The following SAMMSON variants were observed in gnomAD, a reference collection of about 807,000 sequenced individuals.
The protein encoded by SAMMSON is survival associated mitochondrial melanoma specific oncogenic non-coding RNA.
At chr3:70,280,904 C>T (rs1702076273) in intron 6 of SAMMSON, among the ~76,000 whole-genome samples, 1 of 152,152 alleles carries the variant, frequency 6.6e-6, no homozygotes, top group Admixed American at 6.5e-5. Context: ...ATAGGACTTG[C>T]TGGGTTTCCC....
intron 4 of SAMMSON, among the ~76,000 whole-genome samples, chr3:70,230,803 C>G (rs1261823256): frequency 6.6e-6 from 1 of 152,152 alleles, no homozygotes; most frequent in Non-Finnish European, 1.5e-5. Context: ...GGTCCAAATA[C>G]GTCTTCAAAT....
chr3:70,346,702 A>G (rs1172754082), intron 7 of SAMMSON, among the ~76,000 whole-genome samples: 1 of 152,158 alleles, frequency 6.6e-6, no homozygotes, highest in Non-Finnish European at 1.5e-5. Context: ...TCTTTGATGG[A>G]CTAAGTAACA....
intron 1 of SAMMSON, among the ~76,000 whole-genome samples, chr3:70,005,259 C>T (rs910755718): frequency 1.3e-5 from 2 of 151,916 alleles, no homozygotes; most frequent in South Asian, 2.1e-4. Context: ...ACAGAGCACC[C>T]CAAAACTTAG....
intron 4 of SAMMSON, among the ~76,000 whole-genome samples, chr3:70,110,739 ATTG>A (rs1197196825): frequency 6.6e-6 from 1 of 152,114 alleles, no homozygotes; most frequent in Non-Finnish European, 1.5e-5. Flanking sequence ...TGGGTGACCC[ATTG>A]TTGTGGAGAT....
At chr3:70,123,940 G>A (rs73105982) in intron 4 of SAMMSON, among the ~76,000 whole-genome samples, 11,043 of 152,288 alleles carry the variant, frequency 0.073, 541 homozygotes, top group Non-Finnish European at 0.11. Context: ...ACAGGAAGTA[G>A]CATAGCAGGA....
chr3:70,375,113 T>G (rs1366241277), intron 9 of SAMMSON, among the ~76,000 whole-genome samples: 1 of 152,214 alleles, frequency 6.6e-6, no homozygotes, highest in East Asian at 1.9e-4. Flanking sequence ...AGTACATCTA[T>G]GCCATATTGC....
intron 8 of SAMMSON, among the ~76,000 whole-genome samples, chr3:70,356,793 T>G (rs1006277330): frequency 6.6e-6 from 1 of 152,142 alleles, no homozygotes; most frequent in Non-Finnish European, 1.5e-5. Context: ...TCTAATTTGC[T>G]GTGGGCTGGG....
intron 4 of SAMMSON, among the ~76,000 whole-genome samples, chr3:70,123,119 C>T (rs945855368): frequency 4.6e-5 from 7 of 152,176 alleles, no homozygotes. Context: ...GATGGGGCTA[C>T]CCACAGACTT....
At chr3:70,162,096 T>C (rs1274253402) in intron 4 of SAMMSON, among the ~76,000 whole-genome samples, 2 of 151,828 alleles carry the variant, frequency 1.3e-5, no homozygotes. Flanking sequence ...TTTGGTTTCA[T>C]TGATTTTATT....
chr3:70,207,978 AC>A (rs1261159740), intron 4 of SAMMSON, among the ~76,000 whole-genome samples: 1 of 152,010 alleles, frequency 6.6e-6, no homozygotes, highest in African/African-American at 2.4e-5. Flanking sequence ...ACAGGCGTGG[AC>A]CTTGACCTTC....
intron 7 of SAMMSON, among the ~76,000 whole-genome samples, chr3:70,343,629 C>T (rs1341158438): frequency 1.3e-5 from 2 of 151,990 alleles, no homozygotes; most frequent in African/African-American, 4.8e-5. Flanking sequence ...GCCTTGATCA[C>T]CTTGATAAAG....
At position 70,002,057 on chromosome 3, in the gene SAMMSON, C is replaced by A. The variant is rs535931684; in HGVS notation, n.22+2190C>A. Among the ~76,000 whole-genome samples the A allele has an allele frequency of 1.3e-3, 205 of 152,252 alleles. 1 individual carries two copies. The highest frequency in any genetic ancestry group is 3.4e-3 in the Middle Eastern group (1 of 294). ...AGACCTACTTTACTCTCGGTCATTGCCTGCATGAGTCTTCTTTATATGGAT... is the reference window on the plus strand; with the variant it reads ...AGACCTACTTTACTCTCGGTCATTGACTGCATGAGTCTTCTTTATATGGAT... On this transcript the variant is annotated intron_variant and non_coding_transcript_variant, in intron 1 of 9. Coordinates refer to ENST00000642114, the Ensembl canonical transcript of SAMMSON.
At chr3:70,328,391 A>C (rs945238128) in intron 7 of SAMMSON, among the ~76,000 whole-genome samples, 1 of 152,226 alleles carries the variant, frequency 6.6e-6, no homozygotes, top group African/African-American at 2.4e-5. Flanking sequence ...ATTGGTAGAC[A>C]GGAACCTAAA....
chr3:70,243,475 G>A (rs958130364), intron 4 of SAMMSON, among the ~76,000 whole-genome samples: 6 of 152,126 alleles, frequency 3.9e-5, no homozygotes, highest in Admixed American at 1.3e-4. Flanking sequence ...TCACTGCACT[G>A]CTGCTGAATG....
At chr3:70,138,745 G>A (rs1038463642) in intron 4 of SAMMSON, among the ~76,000 whole-genome samples, 11 of 152,096 alleles carry the variant, frequency 7.2e-5, no homozygotes, top group Non-Finnish European at 1.3e-4. Context: ...ATCTAAATTA[G>A]GTATGAGTGA....
intron 3 of SAMMSON, among the ~76,000 whole-genome samples, chr3:70,027,517 C>G (rs1374254325): frequency 6.6e-6 from 1 of 152,212 alleles, no homozygotes. Flanking sequence ...AACCTTCCCT[C>G]TTTGTCATCA....
At chr3:70,041,703 A>G (rs2067106947) in intron 3 of SAMMSON, among the ~76,000 whole-genome samples, 2 of 152,110 alleles carry the variant, frequency 1.3e-5, no homozygotes, top group Non-Finnish European at 2.9e-5. Context: ...AACAATTTCC[A>G]TAGCATTTAC....
intron 2 of SAMMSON, among the ~76,000 whole-genome samples, chr3:70,399,218 A>G (rs1235165061): frequency 6.6e-6 from 1 of 152,130 alleles, no homozygotes; most frequent in African/African-American, 2.4e-5. Flanking sequence ...TTTCCGTTTT[A>G]GAGGCAGACT....
chr3:70,139,741 T>A (rs1460564670), intron 4 of SAMMSON, among the ~76,000 whole-genome samples: 2 of 152,196 alleles, frequency 1.3e-5, no homozygotes, highest in African/African-American at 4.8e-5. Context: ...GGCCTGTGAT[T>A]TTAAGTATAG....
Sources: allele counts gnomAD v4.1 joint callset (sites outside exome capture counted in the v4.1 genomes callset), GRCh38; gene constraint gnomAD v4.1.1; transcripts MANE v1.5; gene names NCBI Gene and HGNC (gene_info 2026-07-23, HGNC 2026-07-21).